Variants in CAPN5 observed in about 807,000 individuals in gnomAD.
CAPN5 encodes calpain-5.
In CAPN5, 54 loss-of-function variants were observed where a neutral mutation model predicts 73.0. That is an observed-to-expected ratio of 0.74 (90% CI 0.59 to 0.93). CAPN5 has a LOEUF of 0.93. Among genes scored for constraint, CAPN5 ranks in the 40% least tolerant of loss-of-function variants. The probability of loss-of-function intolerance (pLI) is 0.00; values close to 1 mark genes in which losing one functional copy is unlikely to be tolerated. For synonymous variants in CAPN5, 335 were observed against 356.9 expected, an observed-to-expected ratio of 0.94 and a Z score of 0.69; for missense variants, 785 against 882.9, an observed-to-expected ratio of 0.89 and a Z score of 1.41.
chr11:77,074,056 C>T (rs969765528), intron 1 of CAPN5, among the ~76,000 whole-genome samples: 2 of 152,226 alleles, frequency 1.3e-5, no homozygotes, highest in Non-Finnish European at 2.9e-5. Flanking sequence ...CTTTAAGCAT[C>T]TTATTAGATG....
chr11:77,117,206 A>G (rs905211806), intron 7 of CAPN5, among the ~76,000 whole-genome samples: 2 of 152,194 alleles, frequency 1.3e-5, no homozygotes, highest in Non-Finnish European at 2.9e-5. Context: ...ACTGCACTCC[A>G]TCCTGGGCTA....
chr11:77,122,543 A>AC, intron 11 of CAPN5, 33 bp from the exon 12 acceptor site: 2 of 459,858 alleles, frequency 4.3e-6, no homozygotes, highest in Non-Finnish European at 3.7e-6. Context: ...CCCCACCCCC[A>AC]CCCTCACCCC....
Position 77,114,395 on chromosome 11 carries a change from G to A in CAPN5, c.660G>A (p.Lys220=), listed in dbSNP as rs1555041327. The A allele has an allele frequency of 6.2e-7, 1 of 1,614,214 alleles. No individual in the cohort carries two copies. The highest frequency in any genetic ancestry group is 8.5e-7 in the Non-Finnish European group (1 of 1,180,048). ...ACCAGCTCTTTGAGCGCATGTTAAA[G>A]GTGCACAGCCGGGGCGGCCTCATCA... ...KRNQLFERML[K]VHSRGGLISA... The change falls in exon 5 of 13, where the codon AAG becomes AAA. Residue 220 remains lysine (K), a synonymous_variant. Coordinates refer to ENST00000648180, the MANE Select transcript of CAPN5 (RefSeq NM_004055.5).
intron 4 of CAPN5, chr11:77,113,029 G>A: frequency 1.7e-6 from 1 of 591,924 alleles, no homozygotes; most frequent in Non-Finnish European, 3.0e-6. Context: ...TCCCATTTTA[G>A]GGGGAGAAGA....
rs532676362 is a variant in CAPN5 at position 77,076,013 on chromosome 11, C to A, written c.-35-8839C>A. Among the ~76,000 whole-genome samples the A allele has an allele frequency of 2.0e-3, 310 of 152,066 alleles. 2 individuals carry two copies. Among genetic ancestry groups the A allele is most frequent in the Non-Finnish European group, 3.3e-3 (223 of 68,012 alleles). ...TGTATACATTGTGGAATGGCTAAATCGAGTTAATTATCACACGCATTACCT... is the reference window on the plus strand; with the variant it reads ...TGTATACATTGTGGAATGGCTAAATAGAGTTAATTATCACACGCATTACCT... On this transcript the variant is annotated intron_variant, in intron 1 of 12. Coordinates refer to ENST00000648180, the MANE Select transcript of CAPN5 (RefSeq NM_004055.5).
At chr11:77,097,510 T>G (rs1950225250) in intron 3 of CAPN5, among the ~76,000 whole-genome samples, 1 of 128,828 alleles carries the variant, frequency 7.8e-6, no homozygotes, top group Non-Finnish European at 1.6e-5. Context: ...CTTGGGTGTT[T>G]CTCACAGAGG....
rs1003325364 is a variant in CAPN5, at chr11:77,115,509, T to G, written c.814T>G (p.Phe272Val). 4 of 1,613,398 alleles carry G rather than the reference T, an allele frequency of 2.5e-6. No homozygotes were observed. The highest frequency in any genetic ancestry group is 3.3e-5 in the Admixed American group (2 of 60,032). ...CCTGGGCCACGGCCTACTGGCCTTC[T>G]TCAAGTCAGAGAAGTTGGACATGAT... Reference protein sequence around the residue: ...VRLGHGLLAFFKSEKLDMIRL... With the variant: ...VRLGHGLLAFVKSEKLDMIRL... Residue 272 changes from phenylalanine (F) to valine (V), a missense_variant, in exon 6 of 13, where the codon TTC (phenylalanine) becomes GTC (valine). Physicochemically the swap from Phe to Val is conservative, Grantham distance 50. Transcript: ENST00000648180.
At chr11:77,078,646 G>C (rs187714180) in intron 1 of CAPN5, among the ~76,000 whole-genome samples, 1 of 152,078 alleles carries the variant, frequency 6.6e-6, no homozygotes, top group African/African-American at 2.4e-5. Flanking sequence ...TCTGTAGATT[G>C]TTTTGGGTAG....
At chr11:77,073,933 T>G (rs1949938838) in intron 1 of CAPN5, among the ~76,000 whole-genome samples, 1 of 151,998 alleles carries the variant, frequency 6.6e-6, no homozygotes, top group African/African-American at 2.4e-5. Flanking sequence ...TGGCTCTCCC[T>G]CCACCGCACA....
chr11:77,122,118 G>A (rs534497131), intron 11 of CAPN5, 69 bp downstream of exon 11: 36 of 897,222 alleles, frequency 4.0e-5, no homozygotes, highest in East Asian at 1.6e-4. Flanking sequence ...CCACCAGCAC[G>A]GATACCAGCC....
intron 3 of CAPN5, among the ~76,000 whole-genome samples, chr11:77,096,775 G>A (rs561377110): frequency 1.3e-4 from 20 of 152,354 alleles, no homozygotes; most frequent in African/African-American, 4.6e-4. Context: ...CCACAGAGCC[G>A]GGCCTGGGCC....
At chr11:77,102,202 C>T (rs1414541810) in intron 3 of CAPN5, among the ~76,000 whole-genome samples, 3 of 152,136 alleles carry the variant, frequency 2.0e-5, no homozygotes, top group South Asian at 2.1e-4. Context: ...GTGAGAGATA[C>T]GGTAGCTGGG....
rs1329425326 is a variant in CAPN5, at chr11:77,118,316, C to T, written c.1131C>T (p.Cys377=). 1.4e-5 allele frequency: 23 copies of T among 1,605,678 alleles called. No homozygotes were observed. The highest frequency in any genetic ancestry group is 2.0e-5 in the Non-Finnish European group (23 of 1,175,740). ...CGCGACAGAACCGCGGTGGCGGCTG[C>T]ATCAACCACAAGGACACCTTCTTCC... ...EDPRQNRGGG[C]INHKDTFFQN... The change falls in exon 8 of 13, where the codon TGC becomes TGT. Residue 377 remains cysteine, a synonymous_variant. Coordinates refer to ENST00000648180, the MANE Select transcript of CAPN5 (RefSeq NM_004055.5).
At chr11:77,112,447 C>A in intron 3 of CAPN5, 142 bp from the exon 4 acceptor site, 1 of 677,714 alleles carries the variant, frequency 1.5e-6, no homozygotes, top group Non-Finnish European at 2.6e-6. Flanking sequence ...CCGGGTCTCA[C>A]GAAGGCTTGT....
chr11:77,106,180 C>T (rs1050948391), intron 3 of CAPN5, among the ~76,000 whole-genome samples: 20 of 152,240 alleles, frequency 1.3e-4, no homozygotes, highest in African/African-American at 2.6e-4. Flanking sequence ...CTTTCATGCC[C>T]GCCTCAGAGT....
intron 2 of CAPN5, among the ~76,000 whole-genome samples, chr11:77,085,765 G>GA (rs1644322361): frequency 1.3e-5 from 2 of 151,702 alleles, no homozygotes; most frequent in South Asian, 4.2e-4. Context: ...GTGGGCTGGG[G>GA]AGGGGTTCGC....
intron 1 of CAPN5, among the ~76,000 whole-genome samples, chr11:77,069,757 A>G (rs1555032740): frequency 6.6e-6 from 1 of 152,080 alleles, no homozygotes; most frequent in African/African-American, 2.4e-5. Flanking sequence ...GTGCCTTCAG[A>G]GCCCCTCCCA....
At chr11:77,118,652 C>T (rs1444524440) in intron 8 of CAPN5, among the ~76,000 whole-genome samples, 1 of 152,226 alleles carries the variant, frequency 6.6e-6, no homozygotes, top group Non-Finnish European at 1.5e-5. Context: ...GGACTCAGCC[C>T]CTTGTTTCCA....
At chr11:77,121,060 CT>C in intron 10 of CAPN5, 151 bp downstream of exon 10, 1 of 691,598 alleles carries the variant, frequency 1.4e-6, no homozygotes, top group Admixed American at 2.8e-5. Flanking sequence ...CTTCTCTTCC[CT>C]TGTTCCCCTG....
Sources: allele counts gnomAD v4.1 joint callset (sites outside exome capture counted in the v4.1 genomes callset), GRCh38; gene constraint gnomAD v4.1.1; transcripts MANE v1.5; gene names NCBI Gene and HGNC (gene_info 2026-07-23, HGNC 2026-07-21).